Variants in PAK3 observed in about 807,000 individuals in gnomAD.
PAK3 encodes the protein p21 (RAC1) activated kinase 3, also known as serine/threonine-protein kinase PAK 3.
A neutral mutation model predicts 41.0 loss-of-function variants in PAK3; 4 were observed. The ratio of observed to expected loss-of-function variants is 0.10; its 90% CI spans 0.05 to 0.22. The LOEUF (loss-of-function observed/expected upper bound fraction) is 0.22, where lower values mean the gene tolerates loss of function less well. Ranked by LOEUF, PAK3 falls within the 10% of genes least tolerant of loss-of-function variation. PAK3 has a pLI of 1.00. For missense variants in PAK3, 205 were observed against 409.9 expected (o/e 0.50, Z 4.32); for synonymous variants, 146 against 139.6 (o/e 1.05, Z -0.32).
chrX:111,158,689 T>G (rs1208758178), intron 8 of PAK3, among the ~76,000 whole-genome samples: 1 of 112,270 alleles, frequency 8.9e-6, no homozygotes, highest in Non-Finnish European at 1.9e-5. Context: ...AATATCTGTC[T>G]TTTTCTTTTC....
intron 1 of PAK3, among the ~76,000 whole-genome samples, chrX:110,954,946 C>A (rs1042950253): frequency 2.7e-5 from 3 of 110,929 alleles, no homozygotes; most frequent in African/African-American, 9.9e-5. Flanking sequence ...CTAAAGGGAG[C>A]CTGGGTGGGG....
At chrX:111,118,988 C>G (rs765592460) in intron 4 of PAK3, among the ~76,000 whole-genome samples, 1 of 111,304 alleles carries the variant, frequency 9.0e-6, no homozygotes, top group African/African-American at 3.3e-5. Flanking sequence ...TAATAAAGCT[C>G]TGTGTCAAGG....
chrX:110,978,737 TTTC>T (rs1216499046), intron 1 of PAK3, among the ~76,000 whole-genome samples: 1 of 110,040 alleles, frequency 9.1e-6, no homozygotes, highest in Non-Finnish European at 1.9e-5. Context: ...TTTTTCTTTC[TTTC>T]TTCTTTCCTT....
upstream of PAK3, among the ~76,000 whole-genome samples, chrX:111,092,037 A>G (rs1393134770): frequency 9.0e-6 from 1 of 111,481 alleles, no homozygotes; most frequent in Non-Finnish European, 1.9e-5. Flanking sequence ...CCAGTGGGTT[A>G]TTCATTACTG....
Position 111,084,964 on chromosome X carries a change from C to T in PAK3, c.-27-38113C>T, listed in dbSNP as rs567287557. Among the ~76,000 whole-genome samples, 8 of 111,209 alleles carry T rather than the reference C, an allele frequency of 7.2e-5. No homozygotes were observed. The South Asian group carries it at 1.9e-3, about 27-fold the overall frequency. ...AATGGCCTAGTCCATGTCTCTGGGC[C>T]GATATAGAAACAGCTTTGGGCTCTC... On this transcript the variant is annotated intron_variant, in intron 1 of 14. Coordinates refer to the PAK3 transcript ENST00000425146.
intron 1 of PAK3, among the ~76,000 whole-genome samples, chrX:111,015,971 C>T (rs1480960205): frequency 1.8e-5 from 2 of 111,961 alleles, no homozygotes; most frequent in African/African-American, 3.2e-5. Context: ...TCAATGTAGT[C>T]ATATTTGTCT....
intron 1 of PAK3, among the ~76,000 whole-genome samples, chrX:110,979,858 A>C (rs1301617304): frequency 8.9e-6 from 1 of 112,088 alleles, no homozygotes; most frequent in Non-Finnish European, 1.9e-5. Flanking sequence ...GTCCTGGCAG[A>C]CTTGACAGGG....
chrX:110,972,077 T>TAC (rs1304042162), intron 1 of PAK3, among the ~76,000 whole-genome samples: 38 of 111,356 alleles, frequency 3.4e-4, no homozygotes, highest in Non-Finnish European at 4.9e-4. Flanking sequence ...CACATATATA[T>TAC]ACACACACAC....
intron 1 of PAK3, among the ~76,000 whole-genome samples, chrX:111,084,623 A>G (rs2092864375): frequency 9.0e-6 from 1 of 111,718 alleles, no homozygotes; most frequent in Non-Finnish European, 1.9e-5. Context: ...ATGTGGATGG[A>G]TGACACCCAT....
chrX:110,990,626 C>G (rs2091625696), intron 1 of PAK3, among the ~76,000 whole-genome samples: 3 of 108,390 alleles, frequency 2.8e-5, no homozygotes, highest in Non-Finnish European at 5.7e-5. Flanking sequence ...AATTCACAGG[C>G]TAGGGCTGGC....
At chrX:111,205,099 G>T (rs1281303527) in intron 16 of PAK3, among the ~76,000 whole-genome samples, 2 of 109,147 alleles carry the variant, frequency 1.8e-5, no homozygotes, top group African/African-American at 3.3e-5. Flanking sequence ...ATAACCTTGT[G>T]CAGGTTTCTT....
chrX:111,217,606 G>C, intron 17 of PAK3: 5 of 960,155 alleles, frequency 5.2e-6, no homozygotes, highest in Non-Finnish European at 6.7e-6. Flanking sequence ...ATCATACCTG[G>C]AATAAACCTA....
At chrX:111,118,286 C>A (rs1027463118) in intron 4 of PAK3, among the ~76,000 whole-genome samples, 2 of 110,890 alleles carry the variant, frequency 1.8e-5, no homozygotes, top group Admixed American at 9.7e-5. Context: ...GATTTAGTAT[C>A]AGCATAGGCT....
At chrX:110,958,689 A>G (rs1330085131) in intron 1 of PAK3, among the ~76,000 whole-genome samples, 1 of 111,838 alleles carries the variant, frequency 8.9e-6, no homozygotes, top group Non-Finnish European at 1.9e-5. Flanking sequence ...TTCAGTCTAA[A>G]ATGCTCATTT....
chrX:110,988,561 A>T (rs2091588376), intron 1 of PAK3, among the ~76,000 whole-genome samples: 1 of 111,888 alleles, frequency 8.9e-6, no homozygotes, highest in African/African-American at 3.2e-5. Flanking sequence ...ATACCTTGAC[A>T]TTGGACAAAA....
rs57456281 is a variant in PAK3 at position 111,028,027 on chromosome X, G to GTGTATATATATATACATATATA, written c.-28+83402_-28+83403insATATATATATACATATATATGT. ...TGTGTATATATATATACATATATAT[G>GTGTATATATATATACATATATA]TGTGTATATATATATACACACACCA... On this transcript the variant is annotated intron_variant, in intron 1 of 14. Transcript: ENST00000425146. Among the ~76,000 whole-genome samples the GTGTATATATATATACATATATA allele has an allele frequency of 6.6e-4, 65 of 97,862 alleles. No homozygotes were observed. In the East Asian group the frequency reaches 0.016, roughly 24 times the overall value. The allele number at this position is 97,862 out of a possible 115,157, so 85.0% of individuals were successfully genotyped here.
At chrX:111,138,405 G>A (rs1603292337) in intron 5 of PAK3, among the ~76,000 whole-genome samples, 1 of 110,623 alleles carries the variant, frequency 9.0e-6, no homozygotes, top group Non-Finnish European at 1.9e-5. Context: ...TAGAGAGGTA[G>A]ATATGTAAAA....
At chrX:111,090,720 A>G in intron 1 of PAK3, among the ~76,000 whole-genome samples, 1 of 112,216 alleles carries the variant, frequency 8.9e-6, no homozygotes, top group East Asian at 2.8e-4. Flanking sequence ...CTGAGCAGCC[A>G]ATCACAGGTG....
intron 8 of PAK3, among the ~76,000 whole-genome samples, chrX:111,155,741 G>A (rs915014227): frequency 2.7e-5 from 3 of 111,287 alleles, no homozygotes; most frequent in African/African-American, 9.8e-5. Flanking sequence ...GATCTTAAAG[G>A]TCAGATGAGA....
Sources: gnomAD v4.1 joint callset for allele counts (sites outside exome capture counted in the v4.1 genomes callset) on GRCh38, gnomAD v4.1.1 for gene constraint, MANE v1.5 for transcripts, NCBI Gene and HGNC (gene_info 2026-07-23, HGNC 2026-07-21) for gene names.